The following AGMO variants were observed in gnomAD, a reference collection of about 807,000 sequenced individuals.
AGMO encodes alkylglycerol monooxygenase.
A neutral mutation model predicts 60.2 loss-of-function variants in AGMO; 75 were observed. The ratio of observed to expected loss-of-function variants is 1.25; its 90% CI spans 1.03 to 1.51. The LOEUF (loss-of-function observed/expected upper bound fraction) is 1.51, where lower values mean the gene tolerates loss of function less well. AGMO is among the 40% of genes most tolerant of loss of function. The pLI is 0.00. For synonymous variants in AGMO, 261 were observed against 177.1 expected (o/e 1.47, Z -3.76); for missense variants, 763 against 525.5 (o/e 1.45, Z -4.42).
At chr7:15,291,850 A>C (rs960087152) in intron 12 of AGMO, among the ~76,000 whole-genome samples, 1 of 152,176 alleles carries the variant, frequency 6.6e-6, no homozygotes, top group African/African-American at 2.4e-5. Flanking sequence ...TGAAGGCAAA[A>C]CAGGAGCTTC....
At chr7:15,225,134 T>C (rs1342350582) in intron 12 of AGMO, among the ~76,000 whole-genome samples, 1 of 151,942 alleles carries the variant, frequency 6.6e-6, no homozygotes, top group Non-Finnish European at 1.5e-5. Flanking sequence ...ATATATTGTT[T>C]GATACAGATT....
Position 15,390,826 on chromosome 7 carries a change from T to C in AGMO, c.742+14A>G, listed in dbSNP as rs371431328. The C allele has an allele frequency of 1.2e-3, 1,949 of 1,595,172 alleles. 30 individuals carry two copies. In the South Asian group the frequency reaches 0.02, roughly 17 times the overall value. On this transcript the variant is annotated intron_variant, in intron 7 of 12. Coordinates refer to ENST00000342526, the MANE Select transcript of AGMO (RefSeq NM_001004320.2). ...AGCTGATTTAATTTTTTGATTTTAA[T>C]ACATTTTACTTACCAAAAATTTTAT...
chr7:15,366,326 A>G, intron 10 of AGMO, 104 bp from the exon 11 acceptor site: 1 of 699,576 alleles, frequency 1.4e-6, no homozygotes, highest in East Asian at 3.0e-5. Flanking sequence ...GTCCTGTTGC[A>G]CCACTTGTCA....
At chr7:15,338,613 A>C (rs1164459790) in intron 12 of AGMO, among the ~76,000 whole-genome samples, 1 of 152,122 alleles carries the variant, frequency 6.6e-6, no homozygotes, top group Non-Finnish European at 1.5e-5. Context: ...AAACAACTTT[A>C]AGACTAATAA....
At chr7:15,460,131 G>T (rs1228590028) in intron 3 of AGMO, among the ~76,000 whole-genome samples, 4 of 144,502 alleles carry the variant, frequency 2.8e-5, no homozygotes, top group African/African-American at 1.1e-4. Flanking sequence ...TTTTGAGAAG[G>T]TGTCTTGCTC....
chr7:15,372,018 A>T (rs1275811188), intron 10 of AGMO, among the ~76,000 whole-genome samples: 2 of 152,180 alleles, frequency 1.3e-5, no homozygotes, highest in African/African-American at 2.4e-5. Context: ...GTTTAAAAGA[A>T]ACTGAGAATA....
At chr7:15,456,623 C>T (rs754522886) in intron 3 of AGMO, among the ~76,000 whole-genome samples, 2 of 152,176 alleles carry the variant, frequency 1.3e-5, no homozygotes, top group Non-Finnish European at 2.9e-5. Context: ...GTTCGCTCAG[C>T]TGTGCTGACA....
chr7:15,509,732 T>C (rs1442600244), intron 3 of AGMO, among the ~76,000 whole-genome samples: 1 of 152,064 alleles, frequency 6.6e-6, no homozygotes, highest in African/African-American at 2.4e-5. Flanking sequence ...CCAAATGACC[T>C]GATTAAAAAA....
chr7:15,162,486 A>C, the AGMO span, among the ~76,000 whole-genome samples: 1 of 152,042 alleles, frequency 6.6e-6, no homozygotes, highest in East Asian at 1.9e-4. Context: ...TGAGCTCAGG[A>C]GTTCGAGAAC....
At chr7:15,202,489 A>AC (rs1554394029) in intron 12 of AGMO, among the ~76,000 whole-genome samples, 2 of 132,054 alleles carry the variant, frequency 1.5e-5, no homozygotes, top group African/African-American at 5.9e-5. Flanking sequence ...AAAAAAAAAA[A>AC]CCCTCCCAAA....
chr7:15,310,626 A>G (rs1780742665), intron 12 of AGMO, among the ~76,000 whole-genome samples: 1 of 152,212 alleles, frequency 6.6e-6, no homozygotes, highest in African/African-American at 2.4e-5. Context: ...ATATTTAACT[A>G]CATTCTTTAT....
intron 3 of AGMO, 53 bp from the exon 4 acceptor site, chr7:15,431,161 C>A (rs890404918): frequency 7.6e-7 from 1 of 1,309,262 alleles, no homozygotes; most frequent in East Asian, 2.3e-5. Flanking sequence ...AAAGCAACTT[C>A]CATTTTCAGT....
At chr7:15,383,320 C>G (rs531129059) in intron 10 of AGMO, among the ~76,000 whole-genome samples, 1 of 152,052 alleles carries the variant, frequency 6.6e-6, no homozygotes, top group Non-Finnish European at 1.5e-5. Flanking sequence ...ATTATTTGCC[C>G]TCTTGGGTCC....
At chr7:15,459,591 ATGTGCGTT>A (rs200728512) in intron 3 of AGMO, among the ~76,000 whole-genome samples, 3 of 13,236 alleles carry the variant, frequency 2.3e-4, no homozygotes, top group Admixed American at 1.4e-3. Flanking sequence ...AAATGTGTGT[ATGTGCGTT>A]TGTGTGTGTG....
chr7:15,544,199 T>G (rs868702918), intron 3 of AGMO, among the ~76,000 whole-genome samples: 6 of 150,540 alleles, frequency 4.0e-5, no homozygotes, highest in African/African-American at 1.5e-4. Context: ...GAATGATACA[T>G]TGGACTTTAG....
At chr7:15,370,767 T>C (rs955087218) in intron 10 of AGMO, among the ~76,000 whole-genome samples, 1 of 152,292 alleles carries the variant, frequency 6.6e-6, no homozygotes, top group Non-Finnish European at 1.5e-5. Context: ...CTGGTTAAGT[T>C]CCTTATAGAT....
intron 3 of AGMO, among the ~76,000 whole-genome samples, chr7:15,510,222 A>G (rs1401186081): frequency 5.3e-5 from 8 of 152,054 alleles, no homozygotes; most frequent in Admixed American, 3.9e-4. Context: ...CTGAAGCACA[A>G]TGGTGTGAAC....
chr7:15,259,952 G>A (rs1271183978), intron 12 of AGMO, among the ~76,000 whole-genome samples: 1 of 92,526 alleles, frequency 1.1e-5, no homozygotes, highest in East Asian at 3.5e-4. Context: ...ATATATCCTG[G>A]AAATACAAGG....
In AGMO at chr7:15,387,509, A is replaced by G. The variant is rs963445195; in HGVS notation, c.854T>C (p.Phe285Ser). ...FHHLFSIWTTFWATPGFFNKF... is the reference protein window; with the variant it reads ...FHHLFSIWTTSWATPGFFNKF... ...ATTGAAGAATCCAGGTGTGGCCCAG[A>G]ATGTAGTCCATATGGAAAATAAGTG... Residue 285 changes from phenylalanine to serine, a missense_variant, in exon 9 of 13, where the codon TTC (phenylalanine) becomes TCC (serine). Phe to Ser is a radical substitution (Grantham distance 155). Coordinates refer to ENST00000342526, the MANE Select transcript of AGMO (RefSeq NM_001004320.2). The G allele has an allele frequency of 6.2e-7, 1 of 1,613,710 alleles. No individual in the cohort carries two copies. The highest frequency in any genetic ancestry group is 1.3e-5 in the African/African-American group (1 of 74,950).
Sources: gnomAD v4.1 joint callset for allele counts (sites outside exome capture counted in the v4.1 genomes callset) on GRCh38, gnomAD v4.1.1 for gene constraint, MANE v1.5 for transcripts, NCBI Gene and HGNC (gene_info 2026-07-23, HGNC 2026-07-21) for gene names.